The following COG5 variants were observed in gnomAD, a reference collection of about 807,000 sequenced individuals.
The protein encoded by COG5 is component of oligomeric golgi complex 5, also known as conserved oligomeric Golgi complex subunit 5.
A neutral mutation model predicts 110.4 loss-of-function variants in COG5; 86 were observed. The ratio of observed to expected loss-of-function variants is 0.78; its 90% confidence interval spans 0.65 to 0.93. COG5 has a LOEUF of 0.93. COG5 is among the 40% of genes least tolerant of loss of function. COG5 has a pLI of 0.00. For missense variants in COG5, 1,077 were observed against 987.0 expected, an observed-to-expected ratio of 1.09 and a Z score of -1.22; for synonymous variants, 360 against 334.6, an observed-to-expected ratio of 1.08 and a Z score of -0.83.
chr7:107,258,463 T>TACACAC (rs200066090), intron 14 of COG5, 80 bp from the exon 15 acceptor site: 5 of 609,128 alleles, frequency 8.2e-6, no homozygotes, highest in African/African-American at 1.9e-5. Flanking sequence ...CACACACACA[T>TACACAC]ACACACACAC....
At chr7:107,232,475 T>C (rs1800847644) in intron 18 of COG5, among the ~76,000 whole-genome samples, 1 of 152,262 alleles carries the variant, frequency 6.6e-6, no homozygotes, top group South Asian at 2.1e-4. Context: ...ATTTCTCAAC[T>C]ACTCTAGTGG....
chr7:107,251,054 A>G (rs934461982), intron 16 of COG5, among the ~76,000 whole-genome samples: 10 of 151,204 alleles, frequency 6.6e-5, no homozygotes, highest in Admixed American at 5.3e-4. Context: ...CCCAAACAGG[A>G]TAATTTTGAT....
At chr7:107,425,505 TA>T (rs202168362) in intron 6 of COG5, among the ~76,000 whole-genome samples, 2,791 of 136,998 alleles carry the variant, frequency 0.02, 77 homozygotes, top group African/African-American at 0.069. Context: ...TGAATTTTAC[TA>T]AAAAAAAAAA....
At chr7:107,260,510 T>G (rs1003120452) in intron 14 of COG5, among the ~76,000 whole-genome samples, 3 of 152,180 alleles carry the variant, frequency 2.0e-5, no homozygotes, top group African/African-American at 4.8e-5. Flanking sequence ...TAAAAACCAC[T>G]GACTTGTACA....
chr7:107,282,836 C>T (rs948905965), intron 13 of COG5, among the ~76,000 whole-genome samples: 1 of 152,168 alleles, frequency 6.6e-6, no homozygotes, highest in Admixed American at 6.6e-5. Context: ...TAGTCTTACT[C>T]TTCCACGCCT....
At chr7:107,500,065 C>G (rs1798541649) in intron 6 of COG5, among the ~76,000 whole-genome samples, 1 of 152,096 alleles carries the variant, frequency 6.6e-6, no homozygotes, top group South Asian at 2.1e-4. Context: ...CTCAACCAAA[C>G]TGAGACCCTG....
intron 6 of COG5, among the ~76,000 whole-genome samples, chr7:107,525,221 C>T (rs1331170480): frequency 1.3e-5 from 2 of 151,542 alleles, no homozygotes; most frequent in Non-Finnish European, 2.9e-5. Context: ...CCACCATGCC[C>T]GGCTGTGCCT....
chr7:107,247,376 G>GT (rs1802136151), intron 17 of COG5, among the ~76,000 whole-genome samples: 1 of 151,808 alleles, frequency 6.6e-6, no homozygotes, highest in Non-Finnish European at 1.5e-5. Context: ...TAATATAAAA[G>GT]TTACAAAAAA....
At chr7:107,345,554 A>T (rs1247539121) in intron 10 of COG5, among the ~76,000 whole-genome samples, 1 of 152,142 alleles carries the variant, frequency 6.6e-6, no homozygotes, top group Admixed American at 6.5e-5. Flanking sequence ...GCCAGGGGAA[A>T]GTAAGGGGTA....
intron 11 of COG5, among the ~76,000 whole-genome samples, chr7:107,307,261 C>T (rs968666573): frequency 1.3e-5 from 2 of 152,136 alleles, no homozygotes; most frequent in African/African-American, 4.8e-5. Context: ...CATTTGATTT[C>T]TGTTGATCAC....
At chr7:107,442,785 T>C (rs187921779) in intron 6 of COG5, among the ~76,000 whole-genome samples, 12 of 151,876 alleles carry the variant, frequency 7.9e-5, no homozygotes, top group Admixed American at 6.6e-4. Context: ...AGAATACAAA[T>C]ACAAGATTTT....
intron 6 of COG5, among the ~76,000 whole-genome samples, chr7:107,463,655 G>T (rs953715143): frequency 7.9e-5 from 12 of 152,134 alleles, no homozygotes; most frequent in Non-Finnish European, 1.6e-4. Context: ...ACCCCCTGTA[G>T]GAACACAGAC....
At chr7:107,357,188 T>C in intron 10 of COG5, among the ~76,000 whole-genome samples, 1 of 152,194 alleles carries the variant, frequency 6.6e-6, no homozygotes, top group Non-Finnish European at 1.5e-5. Context: ...AATATTTGTT[T>C]ACAGCTTTAT....
At chr7:107,283,461 G>C in intron 13 of COG5, 110 bp downstream of exon 13, 1 of 895,036 alleles carries the variant, frequency 1.1e-6, no homozygotes, top group Non-Finnish European at 1.7e-6. Context: ...TTAATTGTGG[G>C]CCTAATTACT....
intron 6 of COG5, among the ~76,000 whole-genome samples, chr7:107,516,965 A>G (rs1176185920): frequency 6.6e-6 from 1 of 152,208 alleles, no homozygotes; most frequent in Non-Finnish European, 1.5e-5. Flanking sequence ...AATGATCGCA[A>G]CAGCTCTCCA....
At chr7:107,367,444 C>A (rs1813725528) in intron 8 of COG5, among the ~76,000 whole-genome samples, 1 of 151,914 alleles carries the variant, frequency 6.6e-6, no homozygotes, top group Non-Finnish European at 1.5e-5. Flanking sequence ...ACCCAGTAGT[C>A]ATATATCAAA....
intron 11 of COG5, among the ~76,000 whole-genome samples, chr7:107,315,743 A>G (rs1808668297): frequency 6.6e-6 from 1 of 152,180 alleles, no homozygotes; most frequent in South Asian, 2.1e-4. Flanking sequence ...CCTGTCTATA[A>G]TTCTAAGAAG....
intron 3 of COG5, chr7:107,549,226 C>G (rs1277083212): frequency 6.6e-6 from 1 of 152,182 alleles, no homozygotes; most frequent in Admixed American, 6.6e-5. Flanking sequence ...ATTCTCTCCA[C>G]AACCCAGTCT....
At chr7:107,392,477 T>C (rs1011710237) in intron 7 of COG5, among the ~76,000 whole-genome samples, 2 of 152,298 alleles carry the variant, frequency 1.3e-5, no homozygotes, top group African/African-American at 4.8e-5. Flanking sequence ...TTAAAGTTGA[T>C]GTTTTTTCCA....
Sources: allele counts gnomAD v4.1 joint callset (sites outside exome capture counted in the v4.1 genomes callset), GRCh38; gene constraint gnomAD v4.1.1; transcripts MANE v1.5; gene names NCBI Gene and HGNC (gene_info 2026-07-23, HGNC 2026-07-21).